UTP6: variants seen among roughly 807,000 people sequenced by gnomAD.
UTP6 encodes the protein U3 small nucleolar RNA-associated protein 6 homolog.
UTP6 carries 60 observed loss-of-function variants against 96.5 expected under a neutral mutation model. The ratio of observed to expected loss-of-function variants is 0.62; its 90% CI spans 0.51 to 0.77. The LOEUF (loss-of-function observed/expected upper bound fraction) is 0.77, where lower values mean the gene tolerates loss of function less well. Ranked by LOEUF, UTP6 falls within the 30% of genes least tolerant of loss-of-function variation. The probability of loss-of-function intolerance (pLI) is 0.00; values close to 1 mark genes in which losing one functional copy is unlikely to be tolerated. For synonymous variants in UTP6, 215 were observed against 240.1 expected, an observed-to-expected ratio of 0.90 and a Z score of 0.96; for missense variants, 637 against 706.5, an observed-to-expected ratio of 0.90 and a Z score of 1.12.
chr17:31,898,233 A>AT lies in UTP6; in HGVS notation c.177+1412dup, dbSNP rs555835821. 1.3e-4 allele frequency among the ~76,000 whole-genome samples: 20 copies of AT among 152,180 alleles called. No individual in the cohort carries two copies. In the South Asian group the frequency reaches 3.9e-3, roughly 30 times the overall value. On this transcript the variant is annotated intron_variant, in intron 2 of 18. Transcript: ENST00000261708. ...AATGAACGTTTCTGGAATTCTTTTA[A>AT]TTTTTTTAAAAAACTGATGTTGGCC...
At chr17:31,865,034 T>C (rs1440671698) in intron 18 of UTP6, among the ~76,000 whole-genome samples, 1 of 152,052 alleles carries the variant, frequency 6.6e-6, no homozygotes, top group African/African-American at 2.4e-5. Context: ...TTGTTTGTTT[T>C]TGAGACGGAG....
At chr17:31,890,000 G>A (rs1911394642) in intron 6 of UTP6, among the ~76,000 whole-genome samples, 1 of 152,006 alleles carries the variant, frequency 6.6e-6, no homozygotes, top group Admixed American at 6.6e-5. Flanking sequence ...GGACATTATT[G>A]TAAGTCACAT....
intron 3 of UTP6, 35 bp downstream of exon 3, chr17:31,894,933 GTA>G (rs768720518): frequency 6.5e-7 from 1 of 1,537,904 alleles, no homozygotes; most frequent in South Asian, 1.2e-5. Context: ...GCTTAGTTCT[GTA>G]TTTTTCTCCA....
intron 1 of UTP6, 128 bp downstream of exon 1, chr17:31,901,408 G>T: frequency 1.2e-6 from 1 of 836,182 alleles, no homozygotes; most frequent in Non-Finnish European, 1.9e-6. Flanking sequence ...CCGAAAACGA[G>T]AAATGGGCTT....
chr17:31,889,069 CA>C (rs375965500), intron 7 of UTP6, among the ~76,000 whole-genome samples: 19 of 143,286 alleles, frequency 1.3e-4, no homozygotes, highest in Admixed American at 2.1e-4. Context: ...AAGACTGTCT[CA>C]AAAAAAAAAA....
intron 8 of UTP6, among the ~76,000 whole-genome samples, chr17:31,886,360 T>C (rs1318996249): frequency 6.6e-6 from 1 of 152,168 alleles, no homozygotes; most frequent in Non-Finnish European, 1.5e-5. Flanking sequence ...TCTGTAACAT[T>C]TTATTTGAAT....
At position 31,878,697 on chromosome 17, in the gene UTP6, C is replaced by A. The variant is rs781496790; in HGVS notation, c.1047+5G>T. 1 of 1,613,582 alleles carries A rather than the reference C, an allele frequency of 6.2e-7. No individual in the cohort carries two copies. The highest frequency in any genetic ancestry group is 2.2e-5 in the East Asian group (1 of 44,890). On this transcript the variant is annotated splice_donor_5th_base_variant and intron_variant, in intron 12 of 18. Coordinates refer to ENST00000261708, the MANE Select transcript of UTP6 (RefSeq NM_018428.3). ...TCAACCACTGTAACCATGTAACAAC[C>A]TCACCTTCCCTCTAAGGAACCCACT... is the stretch of plus-strand genomic sequence containing the variant.
rs1167304422 is a variant in UTP6, at chr17:31,892,439, A to G, written c.361-116T>C. ...AAAATCCAATGGAGCATGACATGCT[A>G]TTGCTAGGGATATATAAACGAACAC... On this transcript the variant is annotated intron_variant, in intron 5 of 18. Coordinates refer to ENST00000261708, the MANE Select transcript of UTP6 (RefSeq NM_018428.3). 3 of 1,045,402 alleles carry G rather than the reference A, an allele frequency of 2.9e-6. No individual in the cohort carries two copies. The African/African-American group carries it at 4.8e-5, about 17-fold the overall frequency. The allele number at this position is 1,045,402 out of a possible 1,614,324, so 64.8% of individuals were successfully genotyped here. A position where few individuals can be genotyped will look rare whatever the true frequency, so the allele number is the denominator to read the frequency against.
chr17:31,879,547 C>G (rs894621526), intron 11 of UTP6, among the ~76,000 whole-genome samples: 1 of 151,856 alleles, frequency 6.6e-6, no homozygotes, highest in African/African-American at 2.4e-5. Context: ...AGGCATGCGC[C>G]TGTAGACCCA....
intron 6 of UTP6, 86 bp from the exon 7 acceptor site, chr17:31,889,489 C>A: frequency 5.0e-6 from 5 of 994,894 alleles, no homozygotes; most frequent in South Asian, 1.6e-5. Context: ...TTTTAATACT[C>A]GCACAATTTT....
At chr17:31,893,187 C>G (rs574896346) in intron 4 of UTP6, among the ~76,000 whole-genome samples, 6 of 152,186 alleles carry the variant, frequency 3.9e-5, no homozygotes, top group South Asian at 2.1e-4. Context: ...ACAGGAGAAT[C>G]GCTTGAAGCC....
At chr17:31,865,216 T>G (rs1350159626) in intron 18 of UTP6, 150 bp downstream of exon 18, 2 of 643,264 alleles carry the variant, frequency 3.1e-6, no homozygotes, top group Non-Finnish European at 5.3e-6. Flanking sequence ...TTTCACCATA[T>G]TGGCCAGGCT....
Position 31,884,478 on chromosome 17 carries a change from G to C in UTP6, c.731C>G (p.Ser244Trp), listed in dbSNP as rs146623373. Residue 244 changes from serine to tryptophan, a missense_variant, in exon 10 of 19, where the codon TCG (serine) becomes TGG (tryptophan). Physicochemically the swap from Ser to Trp is radical, Grantham distance 177 (BLOSUM62 -3). Transcript: ENST00000261708. ...KGAEFHVSLL[S>W]IAQLFDFAKD... Reference sequence around the variant, plus strand: ...GGCAAAGTCAAATAGCTGTGCAATCGAAAGCAGTGACACGTGAAATTCTGC... The same window carrying C: ...GGCAAAGTCAAATAGCTGTGCAATCCAAAGCAGTGACACGTGAAATTCTGC... The C allele has an allele frequency of 1.9e-6, 3 of 1,611,448 alleles. No homozygotes were observed. The highest frequency in any genetic ancestry group is 2.5e-6 in the Non-Finnish European group (3 of 1,178,896).
rs142453211 is a variant in UTP6, at chr17:31,863,521, TA to T, written c.1637-6del. 1.7e-4 allele frequency: 260 copies of T among 1,496,800 alleles called. No individual in the cohort carries two copies. The highest frequency in any genetic ancestry group is 6.7e-4 in the East Asian group (28 of 41,780). 92.7% of individuals were successfully genotyped at this position (1,496,800 alleles called of 1,614,324 possible). On this transcript the variant is annotated splice_region_variant and splice_polypyrimidine_tract_variant and intron_variant, in intron 18 of 18. Transcript: ENST00000261708. ...TCATATAATCCATCCAAAGATCTTT[TA>T]AAAAAAAAACATACAATTAGATAAC...
At chr17:31,882,857 C>T (rs1254411168) in intron 10 of UTP6, among the ~76,000 whole-genome samples, 1 of 152,070 alleles carries the variant, frequency 6.6e-6, no homozygotes, top group Non-Finnish European at 1.5e-5. Context: ...GCAATAACAG[C>T]TCACGGCAGC....
At chr17:31,873,858 A>T (rs1040885941) in intron 14 of UTP6, 105 bp from the exon 15 acceptor site, 4 of 1,287,822 alleles carry the variant, frequency 3.1e-6, no homozygotes, top group Non-Finnish European at 1.1e-6. Flanking sequence ...TTTATGCTAT[A>T]AAATGACAGT....
At chr17:31,891,147 G>A (rs528849353) in intron 6 of UTP6, among the ~76,000 whole-genome samples, 61 of 152,114 alleles carry the variant, frequency 4.0e-4, no homozygotes, top group African/African-American at 1.4e-3. Context: ...TAAAAATGAC[G>A]CCTGATTGGT....
chr17:31,898,927 G>A (rs759371016), intron 2 of UTP6, among the ~76,000 whole-genome samples: 5 of 151,914 alleles, frequency 3.3e-5, no homozygotes, highest in Non-Finnish European at 7.4e-5. Context: ...AGTTACTGAG[G>A]AGGATGAGAC....
intron 6 of UTP6, chr17:31,892,006 G>C: frequency 2.3e-6 from 1 of 435,914 alleles, no homozygotes; most frequent in Admixed American, 3.5e-5. Context: ...CTGGGCGACA[G>C]AGCGAGACTC....
Sources: gnomAD v4.1 joint callset for allele counts (sites outside exome capture counted in the v4.1 genomes callset) on GRCh38, gnomAD v4.1.1 for gene constraint, MANE v1.5 for transcripts, NCBI Gene and HGNC (gene_info 2026-07-23, HGNC 2026-07-21) for gene names.